SUMF1: variants seen among roughly 807,000 people sequenced by gnomAD.
SUMF1 encodes the protein sulfatase modifying factor 1, also known as formylglycine-generating enzyme.
SUMF1 carries 48 observed loss-of-function variants against 47.6 expected under a neutral mutation model. That is an observed-to-expected ratio of 1.01 (90% CI 0.80 to 1.28). The LOEUF (loss-of-function observed/expected upper bound fraction) is 1.28. Ranked by LOEUF, SUMF1 falls within the 50% of genes most tolerant of loss-of-function variation. The pLI, the probability that SUMF1 is intolerant of heterozygous loss-of-function variation, is 0.00. For missense variants in SUMF1, 571 were observed against 485.4 expected, an observed-to-expected ratio of 1.18 and a Z score of -1.66; for synonymous variants, 230 against 192.1, an observed-to-expected ratio of 1.20 and a Z score of -1.63.
chr3:4,347,902 G>C (rs1699405778), intron 8 of SUMF1, among the ~76,000 whole-genome samples: 1 of 152,140 alleles, frequency 6.6e-6, no homozygotes, highest in Non-Finnish European at 1.5e-5. Flanking sequence ...GGCTAACAGA[G>C]AGCCAAATCA....
In SUMF1 at chr3:4,421,044, G is replaced by C. The variant is rs187794759; in HGVS notation, c.520-898C>G. Reference sequence around the variant, plus strand: ...ACAGAGGTCAAGTGAGGTAAGATTGGAAAATGCTCAGCAAACAGTAACTAG... The same window carrying C: ...ACAGAGGTCAAGTGAGGTAAGATTGCAAAATGCTCAGCAAACAGTAACTAG... On this transcript the variant is annotated intron_variant, in intron 3 of 8. Coordinates refer to ENST00000272902, the MANE Select transcript of SUMF1 (RefSeq NM_182760.4). 2.6e-5 allele frequency among the ~76,000 whole-genome samples: 4 copies of C among 152,326 alleles called. No individual in the cohort carries two copies. In the East Asian group the frequency reaches 7.7e-4, roughly 29 times the overall value.
chr3:4,116,747 C>T lies in SUMF1; in HGVS notation c.1015-48002G>A, dbSNP rs983038760. 2.0e-5 allele frequency among the ~76,000 whole-genome samples: 3 copies of T among 152,064 alleles called. No individual in the cohort carries two copies. The East Asian group carries it at 5.8e-4, about 29-fold the overall frequency. On this transcript the variant is annotated intron_variant and NMD_transcript_variant, in intron 8 of 12. Coordinates refer to the SUMF1 transcript ENST00000448413. ...GGTATCTTCAGTATAGGGTATCGTG[C>T]TGAAAATAAGTACTAAACAACTATT...
At chr3:4,466,820 C>A (rs1400742609) in intron 1 of SUMF1, among the ~76,000 whole-genome samples, 156 bp downstream of exon 1, 2 of 152,176 alleles carry the variant, frequency 1.3e-5, no homozygotes, top group Non-Finnish European at 2.9e-5. Context: ...CGGTGAGGCA[C>A]GGAGAAGGAA....
At chr3:4,447,542 A>G (rs903347346) in intron 3 of SUMF1, among the ~76,000 whole-genome samples, 2 of 152,134 alleles carry the variant, frequency 1.3e-5, no homozygotes, top group African/African-American at 4.8e-5. Flanking sequence ...CTCGTAGGCC[A>G]ACTCACATCT....
chr3:4,423,305 C>CACACACACAT (rs1553577194), intron 3 of SUMF1, among the ~76,000 whole-genome samples: 1 of 151,960 alleles, frequency 6.6e-6, no homozygotes, highest in African/African-American at 2.4e-5. Flanking sequence ...CACACACACA[C>CACACACACAT]ACACACACAC....
chr3:4,101,730 G>C (rs987547193), intron 8 of SUMF1, among the ~76,000 whole-genome samples: 2 of 152,088 alleles, frequency 1.3e-5, no homozygotes, highest in African/African-American at 4.8e-5. Context: ...TATAGTTCTA[G>C]AGTGGATCCA....
chr3:4,377,212 A>G (rs1422339638), intron 7 of SUMF1, among the ~76,000 whole-genome samples: 1 of 152,224 alleles, frequency 6.6e-6, no homozygotes, highest in Non-Finnish European at 1.5e-5. Context: ...CTTTATTAAG[A>G]TATAATTAAT....
chr3:4,402,844 G>T (rs1007869383), intron 7 of SUMF1, among the ~76,000 whole-genome samples: 3 of 152,060 alleles, frequency 2.0e-5, no homozygotes, highest in African/African-American at 7.2e-5. Flanking sequence ...AAAAATAACT[G>T]CATGTAAAAA....
intron 8 of SUMF1, among the ~76,000 whole-genome samples, chr3:4,091,776 A>G (rs1692792346): frequency 6.6e-6 from 1 of 152,046 alleles, no homozygotes; most frequent in Admixed American, 6.6e-5. Context: ...AGGCCCTTGC[A>G]TGGGACCATC....
chr3:4,269,290 T>C (rs906591155), intron 8 of SUMF1, among the ~76,000 whole-genome samples: 1 of 152,170 alleles, frequency 6.6e-6, no homozygotes, highest in Non-Finnish European at 1.5e-5. Context: ...TCATTTAACA[T>C]GTTAATGCTA....
intron 8 of SUMF1, among the ~76,000 whole-genome samples, chr3:4,096,562 T>C (rs186346200): frequency 6.6e-6 from 1 of 152,186 alleles, no homozygotes; most frequent in East Asian, 1.9e-4. Context: ...AGCTTCTCTG[T>C]ATACAGGTGA....
intron 8 of SUMF1, among the ~76,000 whole-genome samples, chr3:4,286,802 G>C (rs1432131052): frequency 6.6e-6 from 1 of 152,090 alleles, no homozygotes; most frequent in Non-Finnish European, 1.5e-5. Flanking sequence ...GTAAAACTAT[G>C]TACTATAGAT....
At chr3:4,460,496 C>T (rs1436336895) in intron 1 of SUMF1, among the ~76,000 whole-genome samples, 1 of 151,820 alleles carries the variant, frequency 6.6e-6, no homozygotes, top group African/African-American at 2.4e-5. Flanking sequence ...TTTCCATAAA[C>T]CACTTTGTCT....
intron 8 of SUMF1, among the ~76,000 whole-genome samples, chr3:4,272,743 CG>C (rs1559638999): frequency 1.3e-5 from 2 of 152,070 alleles, no homozygotes; most frequent in Non-Finnish European, 2.9e-5. Context: ...GATGCAGCCA[CG>C]GTGGAAAGCA....
At chr3:4,283,223 G>T (rs1381600351) in intron 8 of SUMF1, among the ~76,000 whole-genome samples, 1 of 152,130 alleles carries the variant, frequency 6.6e-6, no homozygotes, top group Non-Finnish European at 1.5e-5. Context: ...ACTTCTAGAG[G>T]CAACAATGAA....
chr3:4,324,148 T>C (rs1029202809), intron 8 of SUMF1, among the ~76,000 whole-genome samples: 5 of 152,140 alleles, frequency 3.3e-5, no homozygotes, highest in Admixed American at 6.6e-5. Context: ...TGTTTGAACA[T>C]GATACATACA....
intron 9 of SUMF1, among the ~76,000 whole-genome samples, chr3:4,068,315 C>T (rs1695427385): frequency 6.6e-6 from 1 of 152,142 alleles, no homozygotes; most frequent in Non-Finnish European, 1.5e-5. Context: ...ACAATCACAA[C>T]CTCCAGAAAG....
At chr3:4,195,143 T>C (rs530358539) in intron 8 of SUMF1, among the ~76,000 whole-genome samples, 32 of 152,272 alleles carry the variant, frequency 2.1e-4, no homozygotes, top group African/African-American at 7.5e-4. Flanking sequence ...TTAGGAATAA[T>C]AACAAGTCAT....
intron 8 of SUMF1, among the ~76,000 whole-genome samples, chr3:4,337,923 C>T (rs977424464): frequency 6.6e-6 from 1 of 152,102 alleles, no homozygotes; most frequent in African/African-American, 2.4e-5. Context: ...AACCCCCAAT[C>T]ATAGACATCC....
Sources: allele counts gnomAD v4.1 joint callset (sites outside exome capture counted in the v4.1 genomes callset), GRCh38; gene constraint gnomAD v4.1.1; transcripts MANE v1.5; gene names NCBI Gene and HGNC (gene_info 2026-07-23, HGNC 2026-07-21).